The following ODF2 variants were observed in gnomAD, a reference collection of about 807,000 sequenced individuals.
ODF2 encodes outer dense fiber of sperm tails 2, also known as outer dense fiber protein 2.
ODF2 carries 47 observed loss-of-function variants against 110.2 expected under a neutral mutation model. The observed-to-expected ratio is 0.43, with a 90% confidence interval of 0.34 to 0.54. The LOEUF is 0.54. ODF2 is among the 20% of genes least tolerant of loss of function. ODF2 has a pLI of 0.03. For synonymous variants in ODF2, 352 were observed against 397.7 expected (o/e 0.89, Z 1.37); for missense variants, 812 against 1,054.5 (o/e 0.77, Z 3.19).
chr9:128,458,363 A>G (rs919028884), intron 2 of ODF2, among the ~76,000 whole-genome samples: 2 of 151,240 alleles, frequency 1.3e-5, no homozygotes, highest in Non-Finnish European at 2.9e-5. Flanking sequence ...CTGGGGCAGG[A>G]GAATTGGAGA....
intron 1 of ODF2, chr9:128,456,741 C>T: frequency 2.0e-6 from 2 of 978,192 alleles, no homozygotes; most frequent in Non-Finnish European, 2.4e-6. Flanking sequence ...CTCCGGCTTG[C>T]CAGGGCCCTC....
intron 8 of ODF2, among the ~76,000 whole-genome samples, chr9:128,478,442 C>CAAAAAAATGAGCTGGCA (rs1330889846): frequency 1.3e-5 from 2 of 151,730 alleles, no homozygotes; most frequent in Non-Finnish European, 2.9e-5. Flanking sequence ...TACTAAAATA[C>CAAAAAAATGAGCTGGCA]AAAAAAATGA....
At chr9:128,491,915 G>A (rs951230548) in intron 14 of ODF2, among the ~76,000 whole-genome samples, 15 of 134,940 alleles carry the variant, frequency 1.1e-4, no homozygotes, top group Non-Finnish European at 2.0e-4. Context: ...CGCCCAGGCT[G>A]GAGTGCAGGG....
chr9:128,456,746 G>A, intron 1 of ODF2: 1 of 971,314 alleles, frequency 1.0e-6, no homozygotes, highest in Non-Finnish European at 1.2e-6. Context: ...GCTTGCCAGG[G>A]CCCTCGCCCG....
At chr9:128,488,470 C>G (rs909432048) in intron 14 of ODF2, among the ~76,000 whole-genome samples, 2 of 152,146 alleles carry the variant, frequency 1.3e-5, no homozygotes, top group African/African-American at 4.8e-5. Context: ...TCTGCTGCTT[C>G]CTGGCTGTAG....
chr9:128,491,423 C>T (rs553303162), intron 14 of ODF2, among the ~76,000 whole-genome samples: 2 of 151,122 alleles, frequency 1.3e-5, no homozygotes, highest in African/African-American at 2.4e-5. Flanking sequence ...TTTGGGAGGC[C>T]GAGGTGGGCG....
At chr9:128,472,790 C>T (rs968739497) in intron 6 of ODF2, 123 bp from the exon 7 acceptor site, 7 of 1,468,324 alleles carry the variant, frequency 4.8e-6, no homozygotes, top group South Asian at 3.8e-5. Context: ...AGGGCTGTCC[C>T]TGCCCCCTCC....
chr9:128,459,436 A>G (rs1048688236), intron 2 of ODF2, 131 bp from the exon 2 acceptor site: 2 of 688,846 alleles, frequency 2.9e-6, no homozygotes, highest in South Asian at 1.8e-5. Context: ...AGGGGAGTCA[A>G]GGAATTCCAG....
In ODF2 at chr9:128,483,662, A is replaced by ATCAC. The variant is rs1208936615; in HGVS notation, c.988-274_988-271dup. Among the ~76,000 whole-genome samples, 5 of 151,808 alleles carry ATCAC rather than the reference A, an allele frequency of 3.3e-5. No homozygotes were observed. The South Asian group carries it at 1.0e-3, about 32-fold the overall frequency. On this transcript the variant is annotated intron_variant, in intron 10 of 20. Coordinates refer to ENST00000604420, the Ensembl canonical transcript of ODF2. ...CACTTTGGGAGGCCGAGGCAGGTGG[A>ATCAC]TCACTTGAGGTCAGGAGATCGAGAC...
intron 1 of ODF2, chr9:128,456,881 A>C: frequency 1.6e-6 from 2 of 1,278,996 alleles, no homozygotes; most frequent in Non-Finnish European, 9.9e-7. Flanking sequence ...TCCTTTAAAC[A>C]CTATTGGTCC....
At chr9:128,458,638 A>G (rs1197731268) in intron 2 of ODF2, among the ~76,000 whole-genome samples, 20 of 149,792 alleles carry the variant, frequency 1.3e-4, no homozygotes, top group Admixed American at 1.1e-3. Context: ...GGAGCTGTAC[A>G]GTATATGTGT....
At chr9:128,497,446 A>AAAATATATATATATATAT (rs1554857542) in intron 18 of ODF2, 1 of 42,594 alleles carries the variant, frequency 2.3e-5, no homozygotes, top group African/African-American at 1.5e-4. Flanking sequence ...AAAAAAAAAA[A>AAAATATATATATATATAT]ATATATATAT....
Position 128,499,133 on chromosome 9 carries a change from C to T in ODF2, c.2301+7C>T. 1.9e-6 allele frequency: 3 copies of T among 1,614,060 alleles called. No homozygotes were observed. The highest frequency in any genetic ancestry group is 1.1e-5 in the South Asian group (1 of 91,032). On this transcript the variant is annotated splice_region_variant and intron_variant, in intron 20 of 20. Transcript: ENST00000604420. ...GCGGCGGAGCCGTGATGATGTGAGT[C>T]AGGCTGGTGGGCCGGGCTAGGAGAG... is the stretch of plus-strand genomic sequence containing the variant.
chr9:128,486,880 T>C (rs1177084338), intron 13 of ODF2, among the ~76,000 whole-genome samples: 1 of 152,036 alleles, frequency 6.6e-6, no homozygotes, highest in African/African-American at 2.4e-5. Context: ...AATGCCTGGG[T>C]GATAATCCCT....
intron 3 of ODF2, chr9:128,460,032 G>T: frequency 1.3e-6 from 1 of 755,868 alleles, no homozygotes; most frequent in Non-Finnish European, 2.0e-6. Context: ...TTAGAATCTA[G>T]ACAGCCTTCT....
rs1845293406 is a variant in ODF2 at position 128,494,742 on chromosome 9, C to T, written c.1911+74C>T. On this transcript the variant is annotated intron_variant, in intron 17 of 20. Transcript: ENST00000604420. The surrounding 1 kb of genome is among the most constrained non-coding windows in gnomAD (Gnocchi z 4.6). ...CGCATACCAAGATGAGCTGCACGCC[C>T]CCCAAGGGAGGACTACTTCCTTTTT... The T allele has an allele frequency of 1.2e-6, 2 of 1,613,530 alleles. No individual in the cohort carries two copies. The highest frequency in any genetic ancestry group is 1.3e-5 in the African/African-American group (1 of 75,020).
rs1843143698 is a variant in ODF2, at chr9:128,485,269, C to CAGGGTGAGAAACCACCT, written c.1291-92_1291-76dup. 4.4e-6 allele frequency: 3 copies of CAGGGTGAGAAACCACCT among 684,126 alleles called. No homozygotes were observed. The highest frequency in any genetic ancestry group is 5.2e-6 in the Non-Finnish European group (2 of 386,256). The allele number at this position is 684,126 out of a possible 1,614,324, so 42.4% of individuals were successfully genotyped here. A position where few individuals can be genotyped will look rare whatever the true frequency, so the allele number is the denominator to read the frequency against. ...AATTCCAGAATGAGGTTTAGGTTAC[C>CAGGGTGAGAAACCACCT]AGGGTGAGAAACCACCTAGGATGAG... On this transcript the variant is annotated intron_variant, in intron 12 of 20. Transcript: ENST00000604420. This position sits in a 1 kb window ranked among gnomAD's most constrained non-coding sequence, Gnocchi z 5.0.
chr9:128,460,168 T>G, intron 3 of ODF2: 1 of 1,299,180 alleles, frequency 7.7e-7, no homozygotes, highest in Non-Finnish European at 1.0e-6. Flanking sequence ...TTGAGATCAC[T>G]GTGTAGAAGG....
intron 15 of ODF2, 22 bp downstream of exon 15, chr9:128,492,558 GC>G (rs768475952): frequency 6.3e-7 from 1 of 1,575,244 alleles, no homozygotes; most frequent in South Asian, 1.1e-5. Context: ...TGGGGCCCTG[GC>G]CCTTCTGAGC....
Sources: gnomAD v4.1 joint callset for allele counts (sites outside exome capture counted in the v4.1 genomes callset) on GRCh38, gnomAD v4.1.1 for gene constraint, Gnocchi (gnomAD v3.1) non-coding constraint, MANE v1.5 for transcripts, NCBI Gene and HGNC (gene_info 2026-07-23, HGNC 2026-07-21) for gene names.